The following TCF24 variants were observed in gnomAD, a reference collection of about 807,000 sequenced individuals.
The protein encoded by TCF24 is transcription factor 24.
In TCF24, 5 loss-of-function variants were observed where a neutral mutation model predicts 9.3. That is an observed-to-expected ratio of 0.54 (90% CI 0.28 to 1.13). The LOEUF is 1.13. Among genes scored for constraint, TCF24 ranks in the 50% most tolerant of loss-of-function variants. The pLI is 0.09. For missense variants in TCF24, 220 were observed against 236.1 expected (o/e 0.93, Z 0.45); for synonymous variants, 110 against 115.8 (o/e 0.95, Z 0.32).
intron 3 of TCF24, 34 bp downstream of exon 3, chr8:66,961,342 G>C (rs1012019475): frequency 3.4e-5 from 48 of 1,417,816 alleles, no homozygotes; most frequent in Non-Finnish European, 1.8e-5. Context: ...TCCTGGTCTC[G>C]GCCCCAGCCC....
intron 3 of TCF24, among the ~76,000 whole-genome samples, chr8:66,953,234 C>T (rs1198686152): frequency 9.2e-5 from 14 of 152,034 alleles, no homozygotes; most frequent in East Asian, 5.8e-4. Context: ...CGGCTGGTAC[C>T]GGTTGTTCCT....
intron 3 of TCF24, among the ~76,000 whole-genome samples, chr8:66,957,895 TAA>T (rs11299517): frequency 0.023 from 990 of 42,996 alleles, no homozygotes; most frequent in Non-Finnish European, 0.027. Flanking sequence ...TAAGAATTGC[TAA>T]AAAAAAAAAA....
Position 66,961,452 on chromosome 8 carries a change from A to G in TCF24, c.314T>C (p.Leu105Pro). Residue 105 changes from leucine (L) to proline (P), a missense_variant, in exon 3 of 4, where the codon CTG becomes CCG. Physicochemically the swap from Leu to Pro is moderately conservative, Grantham distance 98 (BLOSUM62 -3). Transcript: ENST00000563496. ...TTYIAHLTRS[L>P]QDDAEAPADA... ...CGCCGGCGCCTCGGCGTCGTCCTGC[A>G]GGCTGCGGGTGAGATGCGCGATGTA... is the stretch of plus-strand genomic sequence containing the variant. 1 of 1,527,948 alleles carries G rather than the reference A, an allele frequency of 6.5e-7. No homozygotes were observed. The highest frequency in any genetic ancestry group is 1.4e-5 in the African/African-American group (1 of 71,504). 94.6% of individuals were successfully genotyped at this position (1,527,948 alleles called of 1,614,324 possible).
Position 66,961,480 on chromosome 8 carries a change from T to G in TCF24, c.286A>C (p.Thr96Pro). 1 of 1,527,844 alleles carries G rather than the reference T, an allele frequency of 6.5e-7. No homozygotes were observed. The highest frequency in any genetic ancestry group is 8.7e-7 in the Non-Finnish European group (1 of 1,143,920). The allele number at this position is 1,527,844 out of a possible 1,614,324, so 94.6% of individuals were successfully genotyped here. ...CTGCGGGTGAGATGCGCGATGTAGG[T>G]GGTGGCCAGCAGCAGCACGTCCAGC... is the stretch of plus-strand genomic sequence containing the variant. ...SKLDVLLLATTYIAHLTRSLQ... is the reference protein window; with the variant it reads ...SKLDVLLLATPYIAHLTRSLQ... Residue 96 changes from threonine (T) to proline (P), a missense_variant, in exon 3 of 4, where the codon ACC (threonine) becomes CCC (proline). Transcript: ENST00000563496.
At chr8:66,949,916 G>A (rs1814029167) in intron 3 of TCF24, among the ~76,000 whole-genome samples, 2 of 144,030 alleles carry the variant, frequency 1.4e-5, no homozygotes, top group African/African-American at 5.3e-5. Flanking sequence ...TTTGAGAAGT[G>A]TCTGTTCATG....
chr8:66,957,111 CAAAAAAAAAAAAA>C (rs1165600722), intron 3 of TCF24, among the ~76,000 whole-genome samples: 1 of 15,740 alleles, frequency 6.4e-5, no homozygotes, highest in Admixed American at 8.8e-4. Context: ...GACTCCGTCT[CAAAAAAAAAAAAA>C]AAAAAAAAAA....
At chr8:66,961,348 A>G in intron 3 of TCF24, 28 bp downstream of exon 3, 1 of 1,428,694 alleles carries the variant, frequency 7.0e-7, no homozygotes, top group Non-Finnish European at 9.1e-7. Context: ...TCTCGGCCCC[A>G]GCCCCGCGGT....
At chr8:66,957,598 G>T (rs1394238097) in intron 3 of TCF24, among the ~76,000 whole-genome samples, 1 of 151,918 alleles carries the variant, frequency 6.6e-6, no homozygotes, top group Non-Finnish European at 1.5e-5. Context: ...AATTTCTGTT[G>T]TTTAAAAGAG....
At chr8:66,956,390 G>A (rs984133310) in intron 3 of TCF24, among the ~76,000 whole-genome samples, 4 of 152,070 alleles carry the variant, frequency 2.6e-5, no homozygotes, top group African/African-American at 9.7e-5. Flanking sequence ...TTGAGACAGA[G>A]TCTTGCTCTG....
chr8:66,948,604 T>A (rs1813999605), intron 3 of TCF24, among the ~76,000 whole-genome samples: 1 of 152,252 alleles, frequency 6.6e-6, no homozygotes, highest in Non-Finnish European at 1.5e-5. Flanking sequence ...AAAAGTTCTA[T>A]GTGGTATTAT....
intron 3 of TCF24, chr8:66,955,018 G>T (rs182620885): frequency 6.4e-6 from 1 of 156,780 alleles, no homozygotes; most frequent in African/African-American, 2.4e-5. Context: ...AGATGAACCC[G>T]GTACCTCAGA....
chr8:66,949,170 C>T (rs371152177), intron 3 of TCF24, among the ~76,000 whole-genome samples: 132 of 151,152 alleles, frequency 8.7e-4, no homozygotes, highest in Middle Eastern at 6.9e-3. Context: ...TAGTTACATA[C>T]GTATACATGT....
rs1474143016 is a variant in TCF24, at chr8:66,961,444, C to A, written c.322G>T (p.Asp108Tyr). Residue 108 changes from aspartate to tyrosine, a missense_variant, in exon 3 of 4, where the codon GAC becomes TAC. Asp to Tyr is a radical substitution (Grantham distance 160). Coordinates refer to ENST00000563496, the MANE Select transcript of TCF24 (RefSeq NM_001193502.2). The stretch of plus-strand genomic sequence containing the variant: ...CCGGCGTCCGCCGGCGCCTCGGCGT[C>A]GTCCTGCAGGCTGCGGGTGAGATGC... Reference protein sequence around the residue: ...IAHLTRSLQDDAEAPADAGLG... With the variant: ...IAHLTRSLQDYAEAPADAGLG... 6 of 1,526,314 alleles carry A rather than the reference C, an allele frequency of 3.9e-6. No homozygotes were observed. The highest frequency in any genetic ancestry group is 2.0e-5 in the Admixed American group (1 of 50,370). The allele number at this position is 1,526,314 out of a possible 1,614,324, so 94.5% of individuals were successfully genotyped here.
At chr8:66,949,402 A>C (rs1199483414) in intron 3 of TCF24, among the ~76,000 whole-genome samples, 1 of 151,924 alleles carries the variant, frequency 6.6e-6, no homozygotes, top group African/African-American at 2.4e-5. Context: ...ATGATTTCCA[A>C]TTTCATCCAT....
intron 3 of TCF24, among the ~76,000 whole-genome samples, chr8:66,954,313 G>C (rs1027829252): frequency 6.6e-6 from 1 of 151,858 alleles, no homozygotes; most frequent in Admixed American, 6.6e-5. Context: ...CCTTCTAACA[G>C]ACAGGACCCT....
At chr8:66,957,224 C>T (rs186041432) in intron 3 of TCF24, among the ~76,000 whole-genome samples, 2 of 151,474 alleles carry the variant, frequency 1.3e-5, no homozygotes, top group African/African-American at 4.8e-5. Flanking sequence ...TAAGACCAGC[C>T]TGGCCAGCAC....
chr8:66,956,421 T>C (rs1160037231), intron 3 of TCF24, among the ~76,000 whole-genome samples: 2 of 152,132 alleles, frequency 1.3e-5, no homozygotes, highest in Non-Finnish European at 2.9e-5. Context: ...TGGAGTGCAG[T>C]GGCAGATCTT....
chr8:66,953,854 C>T (rs1373941347), intron 3 of TCF24, among the ~76,000 whole-genome samples: 1 of 151,906 alleles, frequency 6.6e-6, no homozygotes, highest in African/African-American at 2.4e-5. Context: ...TTTCATCTTC[C>T]ATTGCTGATA....
At chr8:66,956,076 C>T (rs1296997503) in intron 3 of TCF24, among the ~76,000 whole-genome samples, 1 of 151,946 alleles carries the variant, frequency 6.6e-6, no homozygotes, top group African/African-American at 2.4e-5. Flanking sequence ...ACTACAGGTG[C>T]GTGCTACCAC....
Sources: gnomAD v4.1 joint callset for allele counts (sites outside exome capture counted in the v4.1 genomes callset) on GRCh38, gnomAD v4.1.1 for gene constraint, MANE v1.5 for transcripts, NCBI Gene and HGNC (gene_info 2026-07-23, HGNC 2026-07-21) for gene names.